Variants in ZBTB16 observed in about 807,000 individuals in gnomAD.
ZBTB16 encodes the protein zinc finger and BTB domain-containing protein 16.
A neutral mutation model predicts 56.8 loss-of-function variants in ZBTB16; 8 were observed. The ratio of observed to expected loss-of-function variants is 0.14; its 90% CI spans 0.08 to 0.25. The LOEUF (loss-of-function observed/expected upper bound fraction) is 0.25, where lower values mean the gene tolerates loss of function less well. Ranked by LOEUF, ZBTB16 falls within the 10% of genes least tolerant of loss-of-function variation. The pLI, the probability that ZBTB16 is intolerant of heterozygous loss-of-function variation, is 1.00. For synonymous variants in ZBTB16, 363 were observed against 368.5 expected (o/e 0.98, Z 0.17); for missense variants, 625 against 903.0 (o/e 0.69, Z 3.95).
chr11:114,108,452 A>C (rs923204063), intron 2 of ZBTB16, among the ~76,000 whole-genome samples: 1 of 152,152 alleles, frequency 6.6e-6, no homozygotes, highest in Non-Finnish European at 1.5e-5. Context: ...CCACGGGCTT[A>C]TTTGCAGGTC....
intron 4 of ZBTB16, among the ~76,000 whole-genome samples, chr11:114,233,760 C>G (rs1944505275): frequency 1.3e-5 from 2 of 151,846 alleles, no homozygotes; most frequent in South Asian, 4.1e-4. Context: ...CTCAATAAAT[C>G]CCCCATGTCC....
intron 2 of ZBTB16, among the ~76,000 whole-genome samples, chr11:114,068,520 T>C (rs569898415): frequency 4.6e-4 from 70 of 152,296 alleles, no homozygotes; most frequent in Admixed American, 2.2e-3. Flanking sequence ...AGTGTAGTCA[T>C]GGATGGGTGG....
intron 2 of ZBTB16, among the ~76,000 whole-genome samples, chr11:114,120,497 T>G (rs571141659): frequency 1.3e-5 from 2 of 152,282 alleles, no homozygotes; most frequent in Admixed American, 6.5e-5. Flanking sequence ...AGCCGAATCC[T>G]CTTTCCTGAA....
intron 2 of ZBTB16, among the ~76,000 whole-genome samples, chr11:114,120,326 G>A (rs896162577): frequency 6.6e-6 from 1 of 152,192 alleles, no homozygotes; most frequent in African/African-American, 2.4e-5. Flanking sequence ...ATGGGGCAGG[G>A]CAGCAGCCTG....
chr11:114,166,098 T>C (rs1942744830), intron 3 of ZBTB16, among the ~76,000 whole-genome samples: 2 of 152,122 alleles, frequency 1.3e-5, no homozygotes, highest in Admixed American at 6.5e-5. Context: ...GGCATGGCAT[T>C]CACTCCTCTC....
chr11:114,227,486 T>G (rs948713664), intron 4 of ZBTB16, among the ~76,000 whole-genome samples: 2 of 152,228 alleles, frequency 1.3e-5, no homozygotes, highest in Non-Finnish European at 2.9e-5. Context: ...CGTCCTTCTC[T>G]CCATCCAATA....
intron 3 of ZBTB16, among the ~76,000 whole-genome samples, chr11:114,182,606 T>G (rs1489668302): frequency 6.6e-6 from 1 of 152,186 alleles, no homozygotes; most frequent in Non-Finnish European, 1.5e-5. Context: ...TTCTCCCTAC[T>G]CCAGGTTGAG....
chr11:114,234,090 G>T (rs1389364478), intron 4 of ZBTB16, among the ~76,000 whole-genome samples: 1 of 152,184 alleles, frequency 6.6e-6, no homozygotes, highest in African/African-American at 2.4e-5. Context: ...TTGACTGACG[G>T]TATTGAAACC....
At chr11:114,233,066 T>A (rs528342881) in intron 4 of ZBTB16, among the ~76,000 whole-genome samples, 2,399 of 93,998 alleles carry the variant, frequency 0.026, 63 homozygotes, top group Non-Finnish European at 0.038. Context: ...CACATACGCA[T>A]GCGCGCGCGC....
At chr11:114,136,309 T>G (rs1383398900) in intron 2 of ZBTB16, among the ~76,000 whole-genome samples, 3 of 152,180 alleles carry the variant, frequency 2.0e-5, no homozygotes, top group Admixed American at 6.5e-5. Context: ...CTGAGGGTGC[T>G]CTATGGGGGG....
chr11:114,180,072 C>T (rs1943210846), intron 3 of ZBTB16, among the ~76,000 whole-genome samples: 1 of 152,202 alleles, frequency 6.6e-6, no homozygotes, highest in Admixed American at 6.5e-5. Flanking sequence ...ACACGGAGGC[C>T]TCAGTCCCGC....
intron 1 of ZBTB16, among the ~76,000 whole-genome samples, chr11:114,062,678 A>G (rs1242910522): frequency 6.6e-6 from 1 of 152,236 alleles, no homozygotes; most frequent in Non-Finnish European, 1.5e-5. Flanking sequence ...TTCTGTGGCC[A>G]TGGCTACAGG....
intron 3 of ZBTB16, among the ~76,000 whole-genome samples, chr11:114,173,363 G>A (rs1591749153): frequency 6.6e-6 from 1 of 152,106 alleles, no homozygotes; most frequent in Non-Finnish European, 1.5e-5. Flanking sequence ...GGAAGGGAGG[G>A]TGGCAGTCTC....
At chr11:114,101,854 A>G (rs749574768) in intron 2 of ZBTB16, among the ~76,000 whole-genome samples, 2 of 152,158 alleles carry the variant, frequency 1.3e-5, no homozygotes, top group Non-Finnish European at 2.9e-5. Context: ...ACATTCATAT[A>G]TTTGTTGCTC....
rs752560624 is a variant in ZBTB16, at chr11:114,064,273, C to G, written c.973C>G (p.Pro325Ala). 6.2e-7 allele frequency: 1 copy of G among 1,613,966 alleles called. No individual in the cohort carries two copies. Among genetic ancestry groups the G allele is most frequent in the African/African-American group, 1.3e-5 (1 of 74,932 alleles). ...APTGRPEHPA[P>A]PPEKHLGIYS... is the part of the protein sequence containing the mutation. ...CACTGGCCGACCTGAGCACCCAGCA[C>G]CCCCGCCTGAGAAGCATCTGGGCAT... Residue 325 changes from proline (P) to alanine (A), a missense_variant, in exon 2 of 7, where the codon CCC becomes GCC. By Grantham distance (27) the Pro-to-Ala change is conservative (BLOSUM62 -1). Coordinates refer to ENST00000335953, the MANE Select transcript of ZBTB16 (RefSeq NM_006006.6). This position sits in a 1 kb window ranked among gnomAD's most constrained non-coding sequence, Gnocchi z 4.2.
At chr11:114,098,188 C>T (rs961132166) in intron 2 of ZBTB16, among the ~76,000 whole-genome samples, 1 of 152,014 alleles carries the variant, frequency 6.6e-6, no homozygotes, top group African/African-American at 2.4e-5. Flanking sequence ...AATCTATGCC[C>T]AAATAAGTCA....
rs199739704 is a variant in ZBTB16 at position 114,124,548 on chromosome 11, A to AC, written c.1269-31789_1269-31788insC. Among the ~76,000 whole-genome samples the AC allele has an allele frequency of 3.4e-3, 456 of 134,102 alleles. 6 individuals carry two copies. The highest frequency in any genetic ancestry group is 0.034 in the East Asian group (162 of 4,798). The allele number at this position is 134,102 out of a possible 152,430, so 88.0% of individuals were successfully genotyped here. On this transcript the variant is annotated intron_variant, in intron 2 of 6. Transcript: ENST00000335953. ...GGGGAAGAGGCAAAAACAAAACAAA[A>AC]AAAAAAACCAAAAAAAAAAAAAAAC... is the stretch of plus-strand genomic sequence containing the variant.
chr11:114,194,735 C>T (rs643123), intron 4 of ZBTB16, among the ~76,000 whole-genome samples: 29,004 of 152,130 alleles, frequency 0.19, 3,105 homozygotes, highest in African/African-American at 0.3. Flanking sequence ...CATACGTGCA[C>T]GTGCACACCC....
chr11:114,204,655 G>A (rs1943814841), intron 4 of ZBTB16, among the ~76,000 whole-genome samples: 1 of 152,034 alleles, frequency 6.6e-6, no homozygotes, highest in South Asian at 2.1e-4. Context: ...CCTTCCAGGG[G>A]CTCCAGGCAG....
Sources: gnomAD v4.1 joint callset for allele counts (sites outside exome capture counted in the v4.1 genomes callset) on GRCh38, gnomAD v4.1.1 for gene constraint, Gnocchi (gnomAD v3.1) non-coding constraint, MANE v1.5 for transcripts, NCBI Gene and HGNC (gene_info 2026-07-23, HGNC 2026-07-21) for gene names.